The following CSMD1 variants were observed in gnomAD, a reference collection of about 807,000 sequenced individuals.
The protein encoded by CSMD1 is CUB and sushi domain-containing protein 1.
CSMD1 carries 213 observed loss-of-function variants against 417.5 expected under a neutral mutation model. The observed-to-expected ratio is 0.51, with a 90% CI of 0.46 to 0.57. The LOEUF is 0.57. Ranked by LOEUF, CSMD1 falls within the 20% of genes least tolerant of loss-of-function variation. The pLI, the probability that CSMD1 is intolerant of heterozygous loss-of-function variation, is 0.00. For missense variants in CSMD1, 6,923 were observed against 4,529.7 expected (o/e 1.53, Z -15.17); for synonymous variants, 2,862 against 1,736.8 (o/e 1.65, Z -16.11).
chr8:4,941,343 T>C (rs1807985961), intron 1 of CSMD1, among the ~76,000 whole-genome samples: 1 of 152,320 alleles, frequency 6.6e-6, no homozygotes, highest in African/African-American at 2.4e-5. Context: ...ATAAATGTTT[T>C]GAGTACTAAA....
At chr8:4,585,871 A>G (rs527658177) in intron 2 of CSMD1, among the ~76,000 whole-genome samples, 1 of 152,334 alleles carries the variant, frequency 6.6e-6, no homozygotes, top group East Asian at 1.9e-4. Context: ...GCATGCAGGT[A>G]AAGATGGAAT....
intron 1 of CSMD1, among the ~76,000 whole-genome samples, chr8:4,797,989 T>C (rs1397150113): frequency 6.6e-6 from 1 of 152,210 alleles, no homozygotes; most frequent in African/African-American, 2.4e-5. Context: ...TATGCAAAAT[T>C]ATTCCAGCCA....
At chr8:3,861,446 T>C (rs1172735101) in intron 5 of CSMD1, among the ~76,000 whole-genome samples, 7 of 152,210 alleles carry the variant, frequency 4.6e-5, no homozygotes, top group Admixed American at 4.6e-4. Context: ...GTACTATGAA[T>C]GAACAACCTA....
chr8:3,143,684 G>C (rs899038435), intron 40 of CSMD1, among the ~76,000 whole-genome samples: 1 of 152,198 alleles, frequency 6.6e-6, no homozygotes, highest in Non-Finnish European at 1.5e-5. Flanking sequence ...AGCAGTTGTA[G>C]AGTGTTATTC....
At chr8:3,821,213 C>T (rs886159285) in intron 5 of CSMD1, among the ~76,000 whole-genome samples, 3 of 152,156 alleles carry the variant, frequency 2.0e-5, no homozygotes. Flanking sequence ...CCACCGTACC[C>T]AGCTCTAGGT....
At chr8:4,131,496 C>T (rs1447513678) in intron 3 of CSMD1, among the ~76,000 whole-genome samples, 4 of 152,144 alleles carry the variant, frequency 2.6e-5, no homozygotes, top group Non-Finnish European at 5.9e-5. Flanking sequence ...ATATTTTCCC[C>T]TTGGATATTC....
intron 3 of CSMD1, among the ~76,000 whole-genome samples, chr8:4,038,293 C>G (rs1163179183): frequency 6.6e-6 from 1 of 151,960 alleles, no homozygotes; most frequent in East Asian, 1.9e-4. Context: ...CTTCTAGTTT[C>G]AAACACCAAA....
At chr8:3,298,707 G>C (rs1377452351) in intron 25 of CSMD1, among the ~76,000 whole-genome samples, 1 of 152,224 alleles carries the variant, frequency 6.6e-6, no homozygotes, top group Non-Finnish European at 1.5e-5. Flanking sequence ...GCCCGCCTCA[G>C]CCTCCCAAAG....
intron 1 of CSMD1, among the ~76,000 whole-genome samples, chr8:4,935,563 A>T (rs567832736): frequency 1.3e-5 from 2 of 152,124 alleles, no homozygotes; most frequent in Admixed American, 6.5e-5. Flanking sequence ...CTTTTTTCTG[A>T]ATTTCAATAT....
intron 2 of CSMD1, among the ~76,000 whole-genome samples, chr8:4,628,811 T>C (rs1296951404): frequency 1.3e-5 from 2 of 152,116 alleles, no homozygotes; most frequent in African/African-American, 2.4e-5. Context: ...GTTAAAATTA[T>C]ATCTAGATCA....
chr8:4,031,582 A>G (rs1797348608), intron 4 of CSMD1, among the ~76,000 whole-genome samples: 1 of 152,202 alleles, frequency 6.6e-6, no homozygotes, highest in African/African-American at 2.4e-5. Flanking sequence ...GAGCTAAATC[A>G]TATCAGAAGT....
intron 3 of CSMD1, among the ~76,000 whole-genome samples, chr8:4,130,777 A>G (rs938510105): frequency 2.4e-4 from 36 of 151,942 alleles, no homozygotes; most frequent in Non-Finnish European, 2.1e-4. Flanking sequence ...TTTCTTTGTA[A>G]CAAAATCTGT....
chr8:3,693,637 T>A (rs1353956455), intron 7 of CSMD1, among the ~76,000 whole-genome samples: 1 of 152,060 alleles, frequency 6.6e-6, no homozygotes. Context: ...AATAAATAAA[T>A]GTGTACATAT....
At chr8:3,442,752 C>G (rs577997166) in intron 12 of CSMD1, among the ~76,000 whole-genome samples, 1 of 152,084 alleles carries the variant, frequency 6.6e-6, no homozygotes, top group East Asian at 1.9e-4. Flanking sequence ...CACATACACA[C>G]GTACATATAT....
intron 7 of CSMD1, among the ~76,000 whole-genome samples, chr8:3,649,579 G>C (rs528166814): frequency 2.6e-4 from 39 of 152,188 alleles, no homozygotes; most frequent in Admixed American, 9.8e-4. Context: ...AAAGTGGGGA[G>C]AGCCTCTTAT....
intron 10 of CSMD1, among the ~76,000 whole-genome samples, chr8:3,522,211 A>T (rs1031128955): frequency 1.3e-5 from 2 of 152,156 alleles, no homozygotes; most frequent in African/African-American, 4.8e-5. Flanking sequence ...ATTTTTTATT[A>T]TTTTATCTTA....
In CSMD1 at chr8:3,057,583, T is replaced by C. The variant is rs575853628; in HGVS notation, c.7475-4936A>G. ...TTATAGTTATAGTGTTTTCACATCA[T>C]GCTTTTTTACTTAATTTTCACTACA... is the stretch of plus-strand genomic sequence containing the variant. On this transcript the variant is annotated intron_variant, in intron 49 of 69. Coordinates refer to ENST00000635120, the MANE Select transcript of CSMD1 (RefSeq NM_033225.6). Among the ~76,000 whole-genome samples the C allele has an allele frequency of 4.6e-5, 7 of 152,254 alleles. No homozygotes were observed. In the South Asian group the frequency reaches 1.4e-3, roughly 32 times the overall value.
At chr8:3,076,005 C>G (rs539209105) in intron 49 of CSMD1, among the ~76,000 whole-genome samples, 2 of 150,914 alleles carry the variant, frequency 1.3e-5, no homozygotes, top group South Asian at 4.2e-4. Flanking sequence ...GAGCCGAGAT[C>G]GCGCCACTGC....
intron 2 of CSMD1, among the ~76,000 whole-genome samples, chr8:4,436,629 A>AT (rs966966482): frequency 2.6e-5 from 4 of 151,896 alleles, no homozygotes; most frequent in South Asian, 4.2e-4. Context: ...TCCTTCTTCT[A>AT]TTTTTTTTAA....
Sources: allele counts gnomAD v4.1 joint callset (sites outside exome capture counted in the v4.1 genomes callset), GRCh38; gene constraint gnomAD v4.1.1; transcripts MANE v1.5; gene names NCBI Gene and HGNC (gene_info 2026-07-23, HGNC 2026-07-21).